Variants in OPCML observed in about 807,000 individuals in gnomAD.
OPCML encodes the protein opioid-binding protein/cell adhesion molecule.
Under a neutral mutation model 37.8 loss-of-function variants are expected in OPCML, and 13 were observed. That is an observed-to-expected ratio of 0.34 (90% CI 0.22 to 0.55). The LOEUF (loss-of-function observed/expected upper bound fraction) is 0.55, where lower values mean the gene tolerates loss of function less well. Among genes scored for constraint, OPCML ranks in the 20% least tolerant of loss-of-function variants. The pLI, the probability that OPCML is intolerant of heterozygous loss-of-function variation, is 0.91. For synonymous variants in OPCML, 176 were observed against 168.8 expected, an observed-to-expected ratio of 1.04 and a Z score of -0.33; for missense variants, 341 against 435.6, an observed-to-expected ratio of 0.78 and a Z score of 1.93.
chr11:133,190,198 C>T (rs1938245456), intron 1 of OPCML, among the ~76,000 whole-genome samples: 1 of 152,208 alleles, frequency 6.6e-6, no homozygotes, highest in Non-Finnish European at 1.5e-5. Flanking sequence ...CAGTCCCCAA[C>T]ATCTAAAATT....
intron 1 of OPCML, among the ~76,000 whole-genome samples, chr11:133,405,724 C>T (rs901482335): frequency 1.4e-5 from 2 of 139,384 alleles, no homozygotes; most frequent in Non-Finnish European, 3.1e-5. Context: ...GATATGTACC[C>T]TTCTACAAAA....
intron 2 of OPCML, among the ~76,000 whole-genome samples, chr11:132,795,113 C>T (rs1202034660): frequency 6.6e-6 from 1 of 151,950 alleles, no homozygotes; most frequent in Non-Finnish European, 1.5e-5. Context: ...CACACACACA[C>T]AGACACACAC....
intron 2 of OPCML, among the ~76,000 whole-genome samples, chr11:132,846,850 C>A (rs1440702202): frequency 6.6e-6 from 1 of 152,160 alleles, no homozygotes; most frequent in African/African-American, 2.4e-5. Flanking sequence ...TATCATTTAA[C>A]CACTCACTTA....
intron 4 of OPCML, among the ~76,000 whole-genome samples, chr11:132,461,255 G>A (rs1395042291): frequency 6.6e-6 from 1 of 152,088 alleles, no homozygotes; most frequent in African/African-American, 2.4e-5. Flanking sequence ...CTGGCAGCTG[G>A]TCACCAGAAA....
intron 1 of OPCML, among the ~76,000 whole-genome samples, chr11:133,479,691 G>A (rs1016520740): frequency 2.0e-5 from 3 of 152,158 alleles, no homozygotes; most frequent in Non-Finnish European, 4.4e-5. Flanking sequence ...TCACCCATTT[G>A]GGCCCCACCC....
At chr11:133,002,053 G>A (rs566552701) in intron 1 of OPCML, among the ~76,000 whole-genome samples, 2 of 152,270 alleles carry the variant, frequency 1.3e-5, no homozygotes, top group African/African-American at 4.8e-5. Context: ...ACAATAAATA[G>A]GTCAGATGGT....
intron 1 of OPCML, among the ~76,000 whole-genome samples, chr11:133,119,236 C>T (rs557048540): frequency 2.7e-4 from 41 of 152,126 alleles, no homozygotes; most frequent in African/African-American, 9.9e-4. Context: ...CACAGCTCCT[C>T]CTCAGATTCT....
chr11:132,735,297 G>A (rs575739744), intron 2 of OPCML, among the ~76,000 whole-genome samples: 1 of 152,076 alleles, frequency 6.6e-6, no homozygotes, highest in Non-Finnish European at 1.5e-5. Context: ...AAAGATTTAG[G>A]TTGGCGCCTC....
At chr11:132,901,503 G>T (rs1440375361) in intron 2 of OPCML, among the ~76,000 whole-genome samples, 2 of 152,208 alleles carry the variant, frequency 1.3e-5, no homozygotes, top group African/African-American at 4.8e-5. Context: ...ATCACGGTTT[G>T]CTTCCTTTAT....
chr11:132,948,561 A>G (rs185145009), intron 1 of OPCML, among the ~76,000 whole-genome samples: 4 of 152,286 alleles, frequency 2.6e-5, no homozygotes, highest in Admixed American at 1.3e-4. Context: ...CATAAAGGGC[A>G]GGCTCACAGG....
intron 2 of OPCML, among the ~76,000 whole-genome samples, chr11:132,834,697 T>C (rs1310478615): frequency 6.6e-6 from 1 of 152,186 alleles, no homozygotes; most frequent in African/African-American, 2.4e-5. Flanking sequence ...ATTAGCCATA[T>C]TGGATTAGGA....
intron 3 of OPCML, among the ~76,000 whole-genome samples, chr11:132,550,048 T>C (rs2096377883): frequency 6.6e-6 from 1 of 152,184 alleles, no homozygotes; most frequent in Admixed American, 6.5e-5. Flanking sequence ...GTACTTGCCC[T>C]GAATTCTTTC....
intron 1 of OPCML, among the ~76,000 whole-genome samples, chr11:133,527,810 C>T (rs1309985309): frequency 6.6e-6 from 1 of 152,192 alleles, no homozygotes; most frequent in Non-Finnish European, 1.5e-5. Context: ...AAATAAGCCT[C>T]AAAGAGCCAC....
chr11:132,643,407 T>A (rs1751931063), intron 3 of OPCML, among the ~76,000 whole-genome samples: 1 of 152,102 alleles, frequency 6.6e-6, no homozygotes, highest in African/African-American at 2.4e-5. Flanking sequence ...TGGAACAAGG[T>A]GCAGATTGGG....
chr11:132,754,576 A>G (rs1251623187), intron 2 of OPCML, among the ~76,000 whole-genome samples: 1 of 152,076 alleles, frequency 6.6e-6, no homozygotes, highest in Non-Finnish European at 1.5e-5. Context: ...ACAGACTAAT[A>G]CATTCCATCA....
At position 132,646,346 on chromosome 11, in the gene OPCML, T is replaced by A. The variant is rs576692483; in HGVS notation, c.379+10741A>T. Among the ~76,000 whole-genome samples the A allele has an allele frequency of 7.2e-5, 11 of 152,264 alleles. No individual in the cohort carries two copies. The South Asian group carries it at 1.9e-3, about 26-fold the overall frequency. On this transcript the variant is annotated intron_variant, in intron 3 of 7. Transcript: ENST00000524381. ...TAAAAAAGAAATAAAGAAGTAAGAA[T>A]AGAAAAGACGGTTTGGCCCTGGATT... is the stretch of plus-strand genomic sequence containing the variant.
At chr11:132,721,913 T>G (rs1944683177) in intron 2 of OPCML, among the ~76,000 whole-genome samples, 1 of 151,502 alleles carries the variant, frequency 6.6e-6, no homozygotes, top group Non-Finnish European at 1.5e-5. Context: ...GCTGTTTATG[T>G]GCTGAAACAA....
At chr11:133,196,061 C>A (rs1030083771) in intron 1 of OPCML, among the ~76,000 whole-genome samples, 6 of 152,134 alleles carry the variant, frequency 3.9e-5, no homozygotes, top group Non-Finnish European at 7.3e-5. Context: ...TTAAAATATT[C>A]ACGAGCTGCT....
chr11:133,170,872 C>A (rs890615722), intron 1 of OPCML, among the ~76,000 whole-genome samples: 1 of 152,160 alleles, frequency 6.6e-6, no homozygotes, highest in African/African-American at 2.4e-5. Context: ...GCACAATTAG[C>A]CAGCTCCTCA....
Sources: gnomAD v4.1 joint callset for allele counts (sites outside exome capture counted in the v4.1 genomes callset) on GRCh38, gnomAD v4.1.1 for gene constraint, MANE v1.5 for transcripts, NCBI Gene and HGNC (gene_info 2026-07-23, HGNC 2026-07-21) for gene names.